ZNF141: variants seen among roughly 807,000 people sequenced by gnomAD.
The protein encoded by ZNF141 is zinc finger protein 141 (clone pHZ-44).
ZNF141 carries 7 observed loss-of-function variants against 11.3 expected under a neutral mutation model. The observed-to-expected ratio is 0.62, with a 90% CI of 0.35 to 1.16. The LOEUF is 1.16. Ranked by LOEUF, ZNF141 falls within the 50% of genes most tolerant of loss-of-function variation. The pLI is 0.02. For synonymous variants in ZNF141, 183 were observed against 190.7 expected (o/e 0.96, Z 0.33); for missense variants, 535 against 554.0 (o/e 0.97, Z 0.34).
chr4:373,451 C>T lies in ZNF141; in HGVS notation c.1014C>T (p.Pro338=). The T allele has an allele frequency of 6.2e-7, 1 of 1,614,024 alleles. No homozygotes were observed. The highest frequency in any genetic ancestry group is 8.5e-7 in the Non-Finnish European group (1 of 1,179,982). Residue 338 remains proline (P), a synonymous_variant, in exon 4 of 4, where the codon CCC becomes CCT. Transcript: ENST00000240499. ...AGAGAATTCATACTGGAGAGAAACC[C>T]TACACATGTGAAGAATGTGGCAAAG... ...KHKRIHTGEK[P]YTCEECGKAF...
intron 3 of ZNF141, among the ~76,000 whole-genome samples, chr4:359,121 A>G (rs934895681): frequency 3.3e-5 from 5 of 152,244 alleles, no homozygotes; most frequent in South Asian, 4.1e-4. Context: ...TGGGCTGATG[A>G]GATTTTCACT....
At position 377,060 on chromosome 4, in the gene ZNF141, G is replaced by A. The variant is rs1294244509; in HGVS notation, c.*3198G>A. Among the ~76,000 whole-genome samples, 2 of 152,122 alleles carry A rather than the reference G, an allele frequency of 1.3e-5. No homozygotes were observed. The highest frequency in any genetic ancestry group is 2.9e-5 in the Non-Finnish European group (2 of 68,010). ...TTTTAGATGTAATTTCATAATATAT[G>A]TATTAAGTTATTTTAGTTAGAACAT... On this transcript the variant is annotated 3_prime_UTR_variant, in exon 4 of 4. Transcript: ENST00000240499.
intron 2 of ZNF141, 105 bp from the exon 3 acceptor site, chr4:344,229 TC>T (rs1403167045): frequency 9.2e-7 from 1 of 1,088,908 alleles, no homozygotes; most frequent in Non-Finnish European, 1.3e-6. Context: ...GGATTAATTT[TC>T]TAGAATCTTC....
At chr4:371,679 A>G (rs114045028) in intron 3 of ZNF141, among the ~76,000 whole-genome samples, 2,446 of 152,132 alleles carry the variant, frequency 0.016, 56 homozygotes, top group African/African-American at 0.055. Flanking sequence ...AGCTAGGACT[A>G]CAGGCACCCA....
chr4:374,117 T>G lies in ZNF141; in HGVS notation c.*255T>G. 2.0e-6 allele frequency: 1 copy of G among 506,612 alleles called. No individual in the cohort carries two copies. Among genetic ancestry groups the G allele is most frequent in the Non-Finnish European group, 3.5e-6 (1 of 283,612 alleles). 31.4% of individuals were successfully genotyped at this position (506,612 alleles called of 1,614,324 possible). ...AGCAGAAGAAAATTATTACTGGAGA[T>G]AAACCCTGCAAATGTAAAGAGTGTA... On this transcript the variant is annotated 3_prime_UTR_variant, in exon 4 of 4. Coordinates refer to ENST00000240499, the MANE Select transcript of ZNF141 (RefSeq NM_003441.4).
chr4:346,850 T>TGTATATACATGTATGTATATATAC (rs1721341093), intron 3 of ZNF141, among the ~76,000 whole-genome samples: 1 of 148,986 alleles, frequency 6.7e-6, no homozygotes, highest in African/African-American at 2.5e-5. Context: ...TATATATATA[T>TGTATATACATGTATGTATATATAC]GTATATACAT....
At chr4:366,988 A>G (rs115604694) in intron 3 of ZNF141, among the ~76,000 whole-genome samples, 53 of 152,338 alleles carry the variant, frequency 3.5e-4, no homozygotes, top group African/African-American at 1.2e-3. Flanking sequence ...TGTAGAAGCA[A>G]CACTGGCAAA....
At chr4:349,910 A>G (rs1294533708) in intron 3 of ZNF141, among the ~76,000 whole-genome samples, 1 of 152,184 alleles carries the variant, frequency 6.6e-6, no homozygotes, top group Non-Finnish European at 1.5e-5. Context: ...TCTACTGACA[A>G]CCTGGGAACA....
At chr4:371,243 T>C (rs1430555526) in intron 3 of ZNF141, among the ~76,000 whole-genome samples, 1 of 151,136 alleles carries the variant, frequency 6.6e-6, no homozygotes, top group Non-Finnish European at 1.5e-5. Flanking sequence ...GAATTTTTTT[T>C]TTTTTTGAGA....
chr4:341,894 T>G (rs1000524719), intron 1 of ZNF141, among the ~76,000 whole-genome samples: 1 of 152,200 alleles, frequency 6.6e-6, no homozygotes, highest in South Asian at 2.1e-4. Context: ...TTAAAACTAA[T>G]GTTTCTAGAG....
At chr4:344,929 G>T (rs1469836828) in intron 3 of ZNF141, among the ~76,000 whole-genome samples, 5 of 152,196 alleles carry the variant, frequency 3.3e-5, no homozygotes, top group Non-Finnish European at 7.3e-5. Context: ...TTAAATCCAA[G>T]AATTCTCTTT....
In ZNF141 at chr4:379,226, G is replaced by A. The variant is rs932491968; in HGVS notation, c.*5364G>A. Among the ~76,000 whole-genome samples, 12 of 152,016 alleles carry A rather than the reference G, an allele frequency of 7.9e-5. No individual in the cohort carries two copies. The highest frequency in any genetic ancestry group is 1.2e-4 in the Non-Finnish European group (8 of 68,018). On this transcript the variant is annotated 3_prime_UTR_variant, in exon 4 of 4. Coordinates refer to ENST00000240499, the MANE Select transcript of ZNF141 (RefSeq NM_003441.4). Reference sequence around the variant, plus strand: ...ACCTTTAGCATCACTTGCCCTTTTAGTGTCTTACATATGTATGATTACCAT... The same window carrying A: ...ACCTTTAGCATCACTTGCCCTTTTAATGTCTTACATATGTATGATTACCAT...
chr4:347,638 C>T (rs782311659), intron 3 of ZNF141, among the ~76,000 whole-genome samples: 3 of 150,926 alleles, frequency 2.0e-5, no homozygotes, highest in African/African-American at 4.9e-5. Context: ...GGAGCCCGGC[C>T]GCGCCCAGCC....
At chr4:353,400 T>C (rs1721696524) in intron 3 of ZNF141, among the ~76,000 whole-genome samples, 1 of 150,490 alleles carries the variant, frequency 6.6e-6, no homozygotes, top group African/African-American at 2.4e-5. Context: ...ACAGCAGACT[T>C]GGTCAGAAGG....
At chr4:340,676 G>A (rs565624376) in intron 1 of ZNF141, among the ~76,000 whole-genome samples, 1 of 152,330 alleles carries the variant, frequency 6.6e-6, no homozygotes, top group Admixed American at 6.5e-5. Flanking sequence ...ACGAGACCAA[G>A]TGATGTGTTA....
Position 380,257 on chromosome 4 carries a change from G to T in ZNF141, c.*6395G>T, listed in dbSNP as rs1331641176. ...GGTTGAAAAACTCACGTGATGAGAAGATATTTCTGTATTAAAGCATGTATT... is the reference window on the plus strand; with the variant it reads ...GGTTGAAAAACTCACGTGATGAGAATATATTTCTGTATTAAAGCATGTATT... On this transcript the variant is annotated 3_prime_UTR_variant, in exon 4 of 4. Coordinates refer to ENST00000240499, the MANE Select transcript of ZNF141 (RefSeq NM_003441.4). Among the ~76,000 whole-genome samples the T allele has an allele frequency of 6.6e-6, 1 of 152,202 alleles. No homozygotes were observed. Among genetic ancestry groups the T allele is most frequent in the Admixed American group, 6.5e-5 (1 of 15,288 alleles).
At chr4:369,171 A>G (rs61793662) in intron 3 of ZNF141, among the ~76,000 whole-genome samples, 2 of 152,032 alleles carry the variant, frequency 1.3e-5, no homozygotes, top group Non-Finnish European at 2.9e-5. Flanking sequence ...ACACACACAC[A>G]CACACTCACA....
chr4:373,665 C>T lies in ZNF141; in HGVS notation c.1228C>T (p.Arg410Trp), dbSNP rs782157605. 10 of 1,613,950 alleles carry T rather than the reference C, an allele frequency of 6.2e-6. No individual in the cohort carries two copies. Among genetic ancestry groups the T allele is most frequent in the Admixed American group, 3.3e-5 (2 of 59,980 alleles). ...CAAAGCCTTTAGACGGTCCACAGAT[C>T]GGAGTCAACATAAGAAAATTCATAG... ...CGKAFRRSTD[R>W]SQHKKIHSAD... The change falls in exon 4 of 4, where the codon CGG (arginine) becomes TGG (tryptophan). Residue 410 changes from arginine to tryptophan, a missense_variant. By Grantham distance (101) the Arg-to-Trp change is moderately radical. Coordinates refer to ENST00000240499, the MANE Select transcript of ZNF141 (RefSeq NM_003441.4).
chr4:352,958 G>T (rs1199197833), intron 3 of ZNF141, among the ~76,000 whole-genome samples: 1 of 152,158 alleles, frequency 6.6e-6, no homozygotes, highest in African/African-American at 2.4e-5. Flanking sequence ...TTGTGGAACT[G>T]GGTCTGAACT....
Sources: gnomAD v4.1 joint callset for allele counts (sites outside exome capture counted in the v4.1 genomes callset) on GRCh38, gnomAD v4.1.1 for gene constraint, MANE v1.5 for transcripts, NCBI Gene and HGNC (gene_info 2026-07-23, HGNC 2026-07-21) for gene names.